Variants in RYR1 observed in about 807,000 individuals in gnomAD.
RYR1 encodes ryanodine receptor 1.
A neutral mutation model predicts 583.5 loss-of-function variants in RYR1; 342 were observed. That is an observed-to-expected ratio of 0.59 (90% CI 0.54 to 0.64). The LOEUF (loss-of-function observed/expected upper bound fraction) is 0.64, where lower values mean the gene tolerates loss of function less well. Ranked by LOEUF, RYR1 falls within the 30% of genes least tolerant of loss-of-function variation. The pLI is 0.00. For synonymous variants in RYR1, 2,791 were observed against 2,822.5 expected, an observed-to-expected ratio of 0.99 and a Z score of 0.35; for missense variants, 6,032 against 6,917.2, an observed-to-expected ratio of 0.87 and a Z score of 4.54.
rs145435491 is a variant in RYR1, at chr19:38,571,414, A to G, written c.13747-605A>G. Among the ~76,000 whole-genome samples, 464 of 152,230 alleles carry G rather than the reference A, an allele frequency of 3.0e-3. 6 individuals are homozygous for G. Among genetic ancestry groups the G allele is most frequent in the Middle Eastern group, 0.014 (4 of 294 alleles). On this transcript the variant is annotated intron_variant, in intron 94 of 105. Coordinates refer to ENST00000359596, the MANE Select transcript of RYR1 (RefSeq NM_000540.3). ...TTTGGGAGGCCGAGGTAGGTGGATT[A>G]CCTGAAGTCCGGAATTCAAGACCAG...
At chr19:38,583,164 G>A (rs1974290822) in intron 101 of RYR1, among the ~76,000 whole-genome samples, 1 of 152,072 alleles carries the variant, frequency 6.6e-6, no homozygotes. Flanking sequence ...GGATGTGGTG[G>A]TGGGCGCCTA....
chr19:38,528,793 A>G (rs1706247759), intron 75 of RYR1, 98 bp downstream of exon 75: 5 of 1,445,386 alleles, frequency 3.5e-6, no homozygotes, highest in Middle Eastern at 1.8e-4. Context: ...CCTCCACATC[A>G]AGGGGTATAG....
intron 87 of RYR1, among the ~76,000 whole-genome samples, chr19:38,545,622 C>T (rs1163473128): frequency 6.6e-6 from 1 of 152,096 alleles, no homozygotes; most frequent in Non-Finnish European, 1.5e-5. Flanking sequence ...AGACCAGCCT[C>T]ACCAACATGG....
chr19:38,499,494 G>A lies in RYR1; in HGVS notation c.7028-141G>A, dbSNP rs1343873800. The A allele has an allele frequency of 3.0e-6, 3 of 1,016,924 alleles. No homozygotes were observed. The highest frequency in any genetic ancestry group is 1.6e-5 in the South Asian group (1 of 60,744). The allele number at this position is 1,016,924 out of a possible 1,614,324, so 63.0% of individuals were successfully genotyped here. ...GTGTTGGGTCCTGGGGCTGGCAGGG[G>A]CCTGGTGTTACCTCTGGAGGTGTTG... On this transcript the variant is annotated intron_variant, in intron 43 of 105. Coordinates refer to ENST00000359596, the MANE Select transcript of RYR1 (RefSeq NM_000540.3). This position sits in a 1 kb window ranked among gnomAD's most constrained non-coding sequence, Gnocchi z 7.3.
At chr19:38,440,070 T>C (rs990818279) in intron 1 of RYR1, among the ~76,000 whole-genome samples, 4 of 152,190 alleles carry the variant, frequency 2.6e-5, no homozygotes, top group Non-Finnish European at 4.4e-5. Flanking sequence ...CAGCTCCTCC[T>C]GTTACCAACT....
Position 38,505,922 on chromosome 19 carries a change from G to T in RYR1, c.8517G>T (p.Thr2839=), listed in dbSNP as rs182019390. The change falls in exon 54 of 106, where the codon ACG becomes ACT. Residue 2839 remains threonine, a synonymous_variant. Coordinates refer to ENST00000359596, the MANE Select transcript of RYR1 (RefSeq NM_000540.3). ...AGGAGAAGACGGAAAAGAAAAAAAC[G>T]CGGAAGATATCACAAAGTGCCCAGG... ...GEEEKTEKKK[T]RKISQSAQTY... 3.7e-6 allele frequency: 6 copies of T among 1,613,556 alleles called. No homozygotes were observed. Among genetic ancestry groups the T allele is most frequent in the South Asian group, 3.3e-5 (3 of 91,070 alleles).
At chr19:38,463,389 C>G (rs781769253) in intron 20 of RYR1, 34 bp from the exon 21 acceptor site, 2 of 1,585,710 alleles carry the variant, frequency 1.3e-6, no homozygotes, top group Admixed American at 1.7e-5. Context: ...GGTAGAGGGA[C>G]CTTGGGGTCT....
chr19:38,506,784 C>T (rs1210150874), intron 56 of RYR1, 45 bp from the exon 57 acceptor site: 1 of 1,613,700 alleles, frequency 6.2e-7, no homozygotes, highest in Non-Finnish European at 8.5e-7. Flanking sequence ...TGAGAGTGGC[C>T]CGGGTCTTCC....
Position 38,505,383 on chromosome 19 carries a change from G to T in RYR1, c.8385G>T (p.Lys2795Asn), listed in dbSNP as rs1210356980. Residue 2795 changes from lysine to asparagine, a missense_variant, in exon 53 of 106, where the codon AAG (lysine) becomes AAT (asparagine). Coordinates refer to ENST00000359596, the MANE Select transcript of RYR1 (RefSeq NM_000540.3). The part of the protein sequence containing the change: ...LKTHPMLRPY[K>N]TFSEKDKEIY... ...CCCACCCCATGCTGAGGCCCTACAAGACCTTTTCAGAGAAGGTGACCAGGC... is the reference window on the plus strand; with the variant it reads ...CCCACCCCATGCTGAGGCCCTACAATACCTTTTCAGAGAAGGTGACCAGGC... 6.2e-7 allele frequency: 1 copy of T among 1,609,722 alleles called. No individual in the cohort carries two copies. Among genetic ancestry groups the T allele is most frequent in the Non-Finnish European group, 8.5e-7 (1 of 1,177,584 alleles).
At chr19:38,584,035 C>G (rs1325226604) in intron 101 of RYR1, among the ~76,000 whole-genome samples, 1 of 152,020 alleles carries the variant, frequency 6.6e-6, no homozygotes. Context: ...TGGGAACACT[C>G]TCCCACCACC....
rs771256507 is a variant in RYR1 at position 38,502,735 on chromosome 19, G to A, written c.7835+8G>A. ...CCTCATGTCGCTCTGCAGGTGGAGC[G>A]GGGCAGGCTTCAGGGTGGGGCAGGG... is the stretch of plus-strand genomic sequence containing the variant. On this transcript the variant is annotated splice_region_variant and intron_variant, in intron 48 of 105. Transcript: ENST00000359596. The A allele has an allele frequency of 3.0e-5, 48 of 1,587,046 alleles. No homozygotes were observed. The highest frequency in any genetic ancestry group is 1.4e-5 in the African/African-American group (1 of 71,666).
At chr19:38,458,405 C>T (rs1967541343) in intron 18 of RYR1, 113 bp downstream of exon 18, 1 of 1,082,990 alleles carries the variant, frequency 9.2e-7, no homozygotes, top group Non-Finnish European at 1.4e-6. Flanking sequence ...AAAAGGTCAA[C>T]TTTTGACCTT....
intron 67 of RYR1, among the ~76,000 whole-genome samples, chr19:38,520,521 C>T (rs1244073194): frequency 1.3e-5 from 2 of 151,444 alleles, no homozygotes; most frequent in African/African-American, 2.4e-5. Flanking sequence ...GTGGCGAAAC[C>T]CTGTCTCTAT....
chr19:38,580,898 C>CTTT, intron 101 of RYR1, among the ~76,000 whole-genome samples: 1 of 144,190 alleles, frequency 6.9e-6, no homozygotes, highest in African/African-American at 2.7e-5. Context: ...ATGCCAGGCA[C>CTTT]ATTTTTTTTT....
In RYR1 at chr19:38,504,309, G is replaced by T. The variant is rs1451060659; in HGVS notation, c.8016G>T (p.Leu2672=). 1 of 1,614,170 alleles carries T rather than the reference G, an allele frequency of 6.2e-7. No homozygotes were observed. The highest frequency in any genetic ancestry group is 1.1e-5 in the South Asian group (1 of 91,086). The stretch of plus-strand genomic sequence containing the variant: ...TCGGGGTCACCTCAGAGGAGGAGCT[G>T]CACCTCACACGGAAACTCTTCTGGG... ...ANFGVTSEEE[L]HLTRKLFWGI... Residue 2672 remains leucine, a synonymous_variant, in exon 50 of 106, where the codon CTG becomes CTT. Transcript: ENST00000359596.
chr19:38,523,115 C>G lies in RYR1; in HGVS notation c.10347C>G (p.His3449Gln). 6.2e-7 allele frequency: 1 copy of G among 1,613,690 alleles called. No individual in the cohort carries two copies. Among genetic ancestry groups the G allele is most frequent in the Non-Finnish European group, 8.5e-7 (1 of 1,179,916 alleles). ...GEIFIYWSKS[H>Q]NFKREEQNFV... ...TCTTCATCTACTGGTCCAAGTCCCA[C>G]GTGAGTGCCCACCCCAACCGCCCTC... The change falls in exon 68 of 106, where the codon CAC becomes CAG. Residue 3449 changes from histidine (H) to glutamine (Q), a missense_variant and splice_region_variant. Coordinates refer to ENST00000359596, the MANE Select transcript of RYR1 (RefSeq NM_000540.3).
At chr19:38,440,645 T>C in intron 1 of RYR1, 100 bp from the exon 2 acceptor site, 1 of 1,447,562 alleles carries the variant, frequency 6.9e-7, no homozygotes, top group Middle Eastern at 2.5e-4. Context: ...AGTCACTGTC[T>C]TTTTCATAAG....
Position 38,489,296 on chromosome 19 carries a change from G to A in RYR1, c.5667G>A (p.Glu1889=). ...AGGAAGAGGGTGAAGAGGAAGATGA[G>A]GAGGAGAAGGAGGAGGATGAGGAGG... ...DEEEEGEEED[E]EEKEEDEEET... is the part of the protein sequence containing the mutation. The change falls in exon 35 of 106, where the codon GAG becomes GAA. Residue 1889 remains glutamate (E), a synonymous_variant. Coordinates refer to ENST00000359596, the MANE Select transcript of RYR1 (RefSeq NM_000540.3). The A allele has an allele frequency of 1.9e-6, 3 of 1,599,420 alleles. No individual in the cohort carries two copies. In the South Asian group the frequency reaches 3.3e-5, roughly 18 times the overall value.
chr19:38,560,729 C>CAAAAAA (rs765130460), intron 89 of RYR1, among the ~76,000 whole-genome samples: 4 of 38,010 alleles, frequency 1.1e-4, no homozygotes, highest in Admixed American at 3.4e-4. Context: ...AACTCCGTCT[C>CAAAAAA]AAAAAAAAAA....
Sources: gnomAD v4.1 joint callset for allele counts (sites outside exome capture counted in the v4.1 genomes callset) on GRCh38, gnomAD v4.1.1 for gene constraint, Gnocchi (gnomAD v3.1) non-coding constraint, MANE v1.5 for transcripts, NCBI Gene and HGNC (gene_info 2026-07-23, HGNC 2026-07-21) for gene names.